MED13L: variants seen among roughly 807,000 people sequenced by gnomAD.
MED13L encodes the protein mediator complex subunit 13L.
Under a neutral mutation model 220.9 loss-of-function variants are expected in MED13L, and 7 were observed. The observed-to-expected ratio is 0.03, with a 90% CI of 0.02 to 0.06. MED13L has a LOEUF of 0.06. MED13L is among the 10% of genes least tolerant of loss of function. The pLI is 1.00. For synonymous variants in MED13L, 1,011 were observed against 1,015.2 expected (o/e 1.00, Z 0.08); for missense variants, 1,965 against 2,760.5 (o/e 0.71, Z 6.46).
At chr12:116,010,092 G>A (rs1472017495) in intron 9 of MED13L, among the ~76,000 whole-genome samples, 1 of 152,190 alleles carries the variant, frequency 6.6e-6, no homozygotes, top group Non-Finnish European at 1.5e-5. Context: ...ATAATGGGAT[G>A]GTTTAGTGGG....
chr12:116,220,143 A>C (rs1348249712), intron 2 of MED13L, among the ~76,000 whole-genome samples: 1 of 152,160 alleles, frequency 6.6e-6, no homozygotes, highest in African/African-American at 2.4e-5. Context: ...ACACTGCCTA[A>C]GTGAACTAAA....
rs1396182632 is a variant in MED13L at position 116,218,929 on chromosome 12, T to A, written c.310+18539A>T. On this transcript the variant is annotated intron_variant, in intron 2 of 30. Transcript: ENST00000281928. ...TTTTTGTATTTTTGTAGAGACAGGA[T>A]TTCACCATATTGCCCAGGCTGGTCT... Among the ~76,000 whole-genome samples, 10 of 152,196 alleles carry A rather than the reference T, an allele frequency of 6.6e-5. No homozygotes were observed. In the East Asian group the frequency reaches 1.9e-3, roughly 29 times the overall value.
At chr12:116,176,309 T>C (rs1880055698) in intron 2 of MED13L, among the ~76,000 whole-genome samples, 1 of 152,184 alleles carries the variant, frequency 6.6e-6, no homozygotes, top group Non-Finnish European at 1.5e-5. Flanking sequence ...GTAACCCACA[T>C]GTAAAACATT....
intron 2 of MED13L, among the ~76,000 whole-genome samples, chr12:116,237,138 T>C (rs1246983089): frequency 2.0e-5 from 3 of 152,252 alleles, no homozygotes; most frequent in African/African-American, 7.2e-5. Context: ...TTCAATTCAC[T>C]GTCTTGTTAG....
At chr12:116,075,983 G>A (rs1193790412) in intron 4 of MED13L, among the ~76,000 whole-genome samples, 2 of 147,862 alleles carry the variant, frequency 1.4e-5, no homozygotes, top group African/African-American at 2.5e-5. Context: ...GCGCGATCTC[G>A]GCTCACTGCA....
chr12:116,255,739 G>A (rs531558590), intron 1 of MED13L, among the ~76,000 whole-genome samples: 1 of 152,268 alleles, frequency 6.6e-6, no homozygotes, highest in South Asian at 2.1e-4. Context: ...ATATACGAAT[G>A]ACTTAATATG....
intron 10 of MED13L, 115 bp from the exon 11 acceptor site, chr12:116,007,751 C>T: frequency 1.2e-6 from 1 of 830,524 alleles, no homozygotes; most frequent in Non-Finnish European, 1.9e-6. Context: ...TTTGCTTTTA[C>T]AGTTTATATT....
intron 2 of MED13L, among the ~76,000 whole-genome samples, chr12:116,218,887 C>T (rs1883155724): frequency 6.6e-6 from 1 of 152,126 alleles, no homozygotes; most frequent in African/African-American, 2.4e-5. Flanking sequence ...GCATGTGCCA[C>T]CACACCTGGC....
rs746185698 is a variant in MED13L, at chr12:115,996,728, G to C, written c.2791-47C>G. 7 of 1,503,402 alleles carry C rather than the reference G, an allele frequency of 4.7e-6. No individual in the cohort carries two copies. The Admixed American group carries it at 1.0e-4, about 22-fold the overall frequency. The allele number at this position is 1,503,402 out of a possible 1,614,324, so 93.1% of individuals were successfully genotyped here. On this transcript the variant is annotated intron_variant, in intron 15 of 30. Coordinates refer to ENST00000281928, the MANE Select transcript of MED13L (RefSeq NM_015335.5). ...AGTGTTAATATTGGTAAACTCTGTA[G>C]AACACACCACAGTGGCATAGTGCTA...
At chr12:116,194,219 G>A (rs555820570) in intron 2 of MED13L, among the ~76,000 whole-genome samples, 1 of 151,718 alleles carries the variant, frequency 6.6e-6, no homozygotes, top group East Asian at 2.0e-4. Context: ...AACCTGGAGT[G>A]CAATGGTGCA....
intron 4 of MED13L, among the ~76,000 whole-genome samples, chr12:116,051,510 G>A (rs193027438): frequency 1.3e-5 from 2 of 152,256 alleles, no homozygotes; most frequent in Admixed American, 1.3e-4. Context: ...ATGATAAATG[G>A]CAACCAAGTA....
chr12:116,009,198 GC>G (rs1281091403), intron 9 of MED13L, 66 bp from the exon 10 acceptor site: 12 of 1,550,214 alleles, frequency 7.7e-6, no homozygotes, highest in Non-Finnish European at 1.1e-5. Context: ...ACAAAATTTT[GC>G]CTTTTAAAGC....
intron 3 of MED13L, among the ~76,000 whole-genome samples, chr12:116,100,915 A>G (rs1873017117): frequency 6.6e-6 from 1 of 152,182 alleles, no homozygotes; most frequent in Non-Finnish European, 1.5e-5. Context: ...TCCTGTCTCA[A>G]AAACAAAACA....
intron 2 of MED13L, among the ~76,000 whole-genome samples, chr12:116,124,047 T>A (rs1875325984): frequency 6.6e-6 from 1 of 151,882 alleles, no homozygotes; most frequent in South Asian, 2.1e-4. Context: ...CATACTGACA[T>A]AGTAATTATT....
At chr12:116,156,372 C>A in intron 2 of MED13L, among the ~76,000 whole-genome samples, 1 of 134,138 alleles carries the variant, frequency 7.5e-6, no homozygotes, top group African/African-American at 2.8e-5. Context: ...TTGTAGGCAG[C>A]ACAGTGTAAA....
chr12:116,177,183 A>G (rs1235788906), intron 2 of MED13L, among the ~76,000 whole-genome samples: 1 of 152,080 alleles, frequency 6.6e-6, no homozygotes, highest in Non-Finnish European at 1.5e-5. Context: ...AACAAAATCA[A>G]CTTCCTAGAA....
intron 1 of MED13L, among the ~76,000 whole-genome samples, chr12:116,248,917 G>A (rs1323275005): frequency 6.6e-6 from 1 of 152,190 alleles, no homozygotes; most frequent in African/African-American, 2.4e-5. Flanking sequence ...TAGACAACAG[G>A]GAGTACAGAG....
intron 2 of MED13L, among the ~76,000 whole-genome samples, chr12:116,185,651 T>C (rs1880833147): frequency 7.1e-6 from 1 of 140,396 alleles, no homozygotes; most frequent in African/African-American, 2.7e-5. Flanking sequence ...TTTCATCACA[T>C]GCTTTTCTTT....
intron 2 of MED13L, among the ~76,000 whole-genome samples, chr12:116,160,402 T>G (rs576978505): frequency 3.3e-5 from 5 of 152,094 alleles, no homozygotes; most frequent in Non-Finnish European, 5.9e-5. Flanking sequence ...ATCATGATAG[T>G]GGCCAACTCT....
Sources: gnomAD v4.1 joint callset for allele counts (sites outside exome capture counted in the v4.1 genomes callset) on GRCh38, gnomAD v4.1.1 for gene constraint, MANE v1.5 for transcripts, NCBI Gene and HGNC (gene_info 2026-07-23, HGNC 2026-07-21) for gene names.